The following GNB2 variants were observed in gnomAD, a reference collection of about 807,000 sequenced individuals.
GNB2 encodes guanine nucleotide-binding protein G(I)/G(S)/G(T) subunit beta-2.
GNB2 carries 7 observed loss-of-function variants against 40.7 expected under a neutral mutation model. The observed-to-expected ratio is 0.17, with a 90% confidence interval of 0.10 to 0.32. The LOEUF is 0.32. Ranked by LOEUF, GNB2 falls within the 10% of genes least tolerant of loss-of-function variation. The pLI is 1.00. For missense variants in GNB2, 286 were observed against 473.0 expected (o/e 0.60, Z 3.67); for synonymous variants, 254 against 191.2 (o/e 1.33, Z -2.71).
intron 1 of GNB2, chr7:100,675,362 G>A (rs1037246587): frequency 1.3e-5 from 2 of 151,332 alleles, no homozygotes; most frequent in African/African-American, 2.4e-5. Flanking sequence ...GCAGCGGCTC[G>A]GGGCTGCCTT....
At chr7:100,674,310 C>T (rs1804305186) in intron 1 of GNB2, among the ~76,000 whole-genome samples, 1 of 150,376 alleles carries the variant, frequency 6.6e-6, no homozygotes, top group African/African-American at 2.4e-5. Flanking sequence ...TCCACTGTCG[C>T]ACCCCTGCCG....
chr7:100,678,678 TTCTC>T lies in GNB2; in HGVS notation c.917-13_917-10del, dbSNP rs753523125. On this transcript the variant is annotated splice_polypyrimidine_tract_variant and intron_variant, in intron 9 of 9. Transcript: ENST00000303210. ...GAGCCCAGGCCCAATGGGTTCTGAC[TTCTC>T]TCTTCTTCACAGGAGTCCTCGCTGG... is the stretch of plus-strand genomic sequence containing the variant. 16 of 1,611,818 alleles carry T rather than the reference TTCTC, an allele frequency of 9.9e-6. No homozygotes were observed. The highest frequency in any genetic ancestry group is 2.2e-5 in the East Asian group (1 of 44,872).
In GNB2 at chr7:100,678,957, C is replaced by T. The variant is rs1804432772; in HGVS notation, c.*156C>T. 3.2e-6 allele frequency: 2 copies of T among 620,606 alleles called. No homozygotes were observed. The highest frequency in any genetic ancestry group is 5.8e-6 in the Non-Finnish European group (2 of 347,564). 38.4% of individuals were successfully genotyped at this position (620,606 alleles called of 1,614,324 possible). A position where few individuals can be genotyped will look rare whatever the true frequency, so the allele number is the denominator to read the frequency against. ...ACCCAGGTTTGGTTCCTCCCGGGGC[C>T]CCCACTGTGGAGATAAGAAGGGGAT... On this transcript the variant is annotated 3_prime_UTR_variant, in exon 10 of 10. Transcript: ENST00000303210.
chr7:100,677,185 G>A (rs976183669), intron 4 of GNB2, 167 bp from the exon 5 acceptor site: 2 of 621,578 alleles, frequency 3.2e-6, no homozygotes, highest in Admixed American at 5.4e-5. Flanking sequence ...GCTGAGGTGG[G>A]AGGATCACTT....
Position 100,677,950 on chromosome 7 carries a change from G to A in GNB2, c.497+132G>A, listed in dbSNP as rs1405970983. ...TGGTGGGCGCTAAGGGGGTCAGGGA[G>A]GGATGCGTCCCCTCCCCACCTAAGG... is the stretch of plus-strand genomic sequence containing the variant. On this transcript the variant is annotated intron_variant, in intron 7 of 9. Transcript: ENST00000303210. 7 of 1,003,002 alleles carry A rather than the reference G, an allele frequency of 7.0e-6. No homozygotes were observed. In the South Asian group the frequency reaches 8.7e-5, roughly 12 times the overall value. The allele number at this position is 1,003,002 out of a possible 1,614,324, so 62.1% of individuals were successfully genotyped here.
rs762470758 is a variant in GNB2 at position 100,676,234 on chromosome 7, C to T, written c.-32C>T. ...CAGCCCCCGTCCCGCGGCCCCCAGC[C>T]GCCCCCAACCCTGCCCCACGGGCCC... On this transcript the variant is annotated 5_prime_UTR_variant, in exon 2 of 10. Transcript: ENST00000303210. The T allele has an allele frequency of 2.0e-6, 3 of 1,502,762 alleles. No individual in the cohort carries two copies. The African/African-American group carries it at 4.1e-5, about 21-fold the overall frequency. 93.1% of individuals were successfully genotyped at this position (1,502,762 alleles called of 1,614,324 possible).
Position 100,679,046 on chromosome 7 carries a change from A to T in GNB2, c.*245A>T, listed in dbSNP as rs1226379390. 6 of 501,126 alleles carry T rather than the reference A, an allele frequency of 1.2e-5. No homozygotes were observed. Among genetic ancestry groups the T allele is most frequent in the Non-Finnish European group, 2.1e-5 (6 of 282,276 alleles). The allele number at this position is 501,126 out of a possible 1,614,324, so 31.0% of individuals were successfully genotyped here. ...TCTGCTGCCCTGGGGTTGGGGCCTC[A>T]CCCCTCTGGAGGGCCGGAGGCAGGA... is the stretch of plus-strand genomic sequence containing the variant. On this transcript the variant is annotated 3_prime_UTR_variant, in exon 10 of 10. Transcript: ENST00000303210.
chr7:100,678,670 GTTCTGAC>G lies in GNB2; in HGVS notation c.917-20_917-14del. 1 of 1,611,158 alleles carries G rather than the reference GTTCTGAC, an allele frequency of 6.2e-7. No homozygotes were observed. Among genetic ancestry groups the G allele is most frequent in the South Asian group, 1.1e-5 (1 of 91,034 alleles). ...GGGACCTGGAGCCCAGGCCCAATGG[GTTCTGAC>G]TTCTCTCTTCTTCACAGGAGTCCTC... On this transcript the variant is annotated intron_variant, in intron 9 of 9. Coordinates refer to ENST00000303210, the MANE Select transcript of GNB2 (RefSeq NM_005273.4).
rs373871017 is a variant in GNB2 at position 100,678,182 on chromosome 7, C to A, written c.582C>A (p.Pro194=). ...SGDVMSLSLA[P]DGRTFVSGAC... ...ATGTGATGTCCCTGTCCCTGGCCCC[C>A]GATGGCCGCACGTTTGTGTCAGGCG... The change falls in exon 8 of 10, where the codon CCC becomes CCA. Residue 194 remains proline, a synonymous_variant. Transcript: ENST00000303210. The A allele has an allele frequency of 2.5e-6, 4 of 1,613,924 alleles. No individual in the cohort carries two copies. Among genetic ancestry groups the A allele is most frequent in the Non-Finnish European group, 2.5e-6 (3 of 1,179,774 alleles).
intron 7 of GNB2, 38 bp downstream of exon 7, chr7:100,677,856 C>A (rs187938106): frequency 5.8e-6 from 9 of 1,563,258 alleles, no homozygotes; most frequent in Non-Finnish European, 7.0e-6. Flanking sequence ...TGGGCAAACC[C>A]ACACTTCCTG....
chr7:100,675,017 G>C (rs1804318810), intron 1 of GNB2, among the ~76,000 whole-genome samples: 1 of 152,188 alleles, frequency 6.6e-6, no homozygotes, highest in African/African-American at 2.4e-5. Context: ...CCCTGCGCCT[G>C]GGGGAAGTGG....
Position 100,677,949 on chromosome 7 carries a change from AG to A in GNB2, c.497+134del, listed in dbSNP as rs1350634224. ...CTGGTGGGCGCTAAGGGGGTCAGGG[AG>A]GGATGCGTCCCCTCCCCACCTAAGG... On this transcript the variant is annotated intron_variant, in intron 7 of 9. Transcript: ENST00000303210. 7.0e-6 allele frequency: 7 copies of A among 1,002,746 alleles called. No individual in the cohort carries two copies. In the East Asian group the frequency reaches 1.7e-4, roughly 25 times the overall value. The allele number at this position is 1,002,746 out of a possible 1,614,324, so 62.1% of individuals were successfully genotyped here.
chr7:100,677,563 T>C lies in GNB2; in HGVS notation c.333T>C (p.Phe111=), dbSNP rs1190518629. 2 of 1,613,340 alleles carry C rather than the reference T, an allele frequency of 1.2e-6. No homozygotes were observed. The highest frequency in any genetic ancestry group is 8.5e-7 in the Non-Finnish European group (1 of 1,179,984). The part of the protein sequence containing the change: ...MTCAYAPSGN[F]VACGGLDNIC... ...GTGCCTACGCGCCCTCAGGGAACTT[T>C]GTGGCCTGTGGGGGGTTGGACAACA... The change falls in exon 6 of 10, where the codon TTT becomes TTC. Residue 111 remains phenylalanine (F), a synonymous_variant. Transcript: ENST00000303210.
rs984497906 is a variant in GNB2, at chr7:100,677,383, C to G, written c.235C>G (p.Leu79Val). The G allele has an allele frequency of 6.2e-7, 1 of 1,613,928 alleles. No individual in the cohort carries two copies. The highest frequency in any genetic ancestry group is 8.5e-7 in the Non-Finnish European group (1 of 1,179,912). The change falls in exon 5 of 10, where the codon CTC (leucine) becomes GTC (valine). Residue 79 changes from leucine (L) to valine (V), a missense_variant. Leu to Val is a conservative substitution (Grantham distance 32). Coordinates refer to ENST00000303210, the MANE Select transcript of GNB2 (RefSeq NM_005273.4). ...GGTCAGCGCCTCCCAGGATGGGAAG[C>G]TCATCATCTGGGACAGCTACACCAC... ...LLVSASQDGK[L>V]IIWDSYTTNK...
In GNB2 at chr7:100,678,802, T is replaced by C. The variant is rs565682051; in HGVS notation, c.*1T>C. On this transcript the variant is annotated 3_prime_UTR_variant, in exon 10 of 10. Coordinates refer to ENST00000303210, the MANE Select transcript of GNB2 (RefSeq NM_005273.4). ...CTCCTTCCTCAAGATCTGGAACTAA[T>C]GGCCCCACCCCCACTGGGCCCAGGC... is the stretch of plus-strand genomic sequence containing the variant. 57 of 1,605,158 alleles carry C rather than the reference T, an allele frequency of 3.6e-5. No individual in the cohort carries two copies. The Middle Eastern group carries it at 5.0e-4, about 14-fold the overall frequency.
At chr7:100,676,067 C>T (rs1394266886) in intron 1 of GNB2, 110 bp from the exon 2 acceptor site, 1 of 501,832 alleles carries the variant, frequency 2.0e-6, no homozygotes, top group African/African-American at 2.0e-5. Context: ...GGCGGCCGCG[C>T]CGCCCCTTCC....
At position 100,677,355 on chromosome 7, in the gene GNB2, G is replaced by A. The variant is rs1352859559; in HGVS notation, c.207G>A (p.Leu69=). The change falls in exon 5 of 10, where the codon CTG becomes CTA. Residue 69 remains leucine (L), a synonymous_variant. Coordinates refer to ENST00000303210, the MANE Select transcript of GNB2 (RefSeq NM_005273.4). ...YAMHWGTDSR[L]LVSASQDGKL... is the part of the protein sequence containing the mutation. ...TCCCTACACCGTTCCCCACCAGGCT[G>A]CTGGTCAGCGCCTCCCAGGATGGGA... The A allele has an allele frequency of 6.2e-7, 1 of 1,613,420 alleles. No homozygotes were observed. The highest frequency in any genetic ancestry group is 8.5e-7 in the Non-Finnish European group (1 of 1,179,446).
At chr7:100,677,909 C>T (rs1024764138) in intron 7 of GNB2, 91 bp downstream of exon 7, 12 of 1,189,016 alleles carry the variant, frequency 1.0e-5, no homozygotes, top group Admixed American at 1.9e-5. Context: ...CAGCATGCAC[C>T]GTAGCCTCCC....
At chr7:100,676,596 G>A in intron 3 of GNB2, 23 bp downstream of exon 3, 1 of 1,601,048 alleles carries the variant, frequency 6.2e-7, no homozygotes, top group Non-Finnish European at 8.6e-7. Context: ...GGTGGCCAGA[G>A]CGTAACTAGG....
Sources: allele counts gnomAD v4.1 joint callset (sites outside exome capture counted in the v4.1 genomes callset), GRCh38; gene constraint gnomAD v4.1.1; transcripts MANE v1.5; gene names NCBI Gene and HGNC (gene_info 2026-07-23, HGNC 2026-07-21).